The following TAF2 variants were observed in gnomAD, a reference collection of about 807,000 sequenced individuals.
The protein encoded by TAF2 is TATA-box binding protein associated factor 2.
In TAF2, 61 loss-of-function variants were observed where a neutral mutation model predicts 138.5. The observed-to-expected ratio is 0.44, with a 90% CI of 0.36 to 0.54. The LOEUF (loss-of-function observed/expected upper bound fraction) is 0.54, where lower values mean the gene tolerates loss of function less well. Among genes scored for constraint, TAF2 ranks in the 20% least tolerant of loss-of-function variants. The probability of loss-of-function intolerance (pLI) is 0.00; values close to 1 mark genes in which losing one functional copy is unlikely to be tolerated. For missense variants in TAF2, 1,090 were observed against 1,427.9 expected, an observed-to-expected ratio of 0.76 and a Z score of 3.81; for synonymous variants, 475 against 469.9, an observed-to-expected ratio of 1.01 and a Z score of -0.14.
intron 6 of TAF2, among the ~76,000 whole-genome samples, chr8:119,799,909 T>G (rs1824126639): frequency 6.6e-6 from 1 of 152,240 alleles, no homozygotes; most frequent in Non-Finnish European, 1.5e-5. Context: ...CCAGTGATGA[T>G]GAGCATTTTT....
chr8:119,768,512 G>C (rs1488512620), intron 18 of TAF2, among the ~76,000 whole-genome samples: 3 of 152,052 alleles, frequency 2.0e-5, no homozygotes, highest in African/African-American at 4.8e-5. Flanking sequence ...ATTCCACTGT[G>C]GTCTGAGAAG....
chr8:119,793,462 T>G lies in TAF2; in HGVS notation c.1192-11A>C, dbSNP rs763899455. 1 of 1,603,474 alleles carries G rather than the reference T, an allele frequency of 6.2e-7. No homozygotes were observed. Among genetic ancestry groups the G allele is most frequent in the Admixed American group, 1.7e-5 (1 of 59,722 alleles). On this transcript the variant is annotated splice_polypyrimidine_tract_variant and intron_variant, in intron 9 of 25. Coordinates refer to ENST00000378164, the MANE Select transcript of TAF2 (RefSeq NM_003184.4). ...TATTTTGTCTAGCTCCTAAAAAATATATAAAAATAGGAGTCAGTAAAATTT... is the reference window on the plus strand; with the variant it reads ...TATTTTGTCTAGCTCCTAAAAAATAGATAAAAATAGGAGTCAGTAAAATTT...
At chr8:119,802,828 C>T (rs1488475915) in intron 5 of TAF2, among the ~76,000 whole-genome samples, 1 of 152,166 alleles carries the variant, frequency 6.6e-6, no homozygotes, top group Non-Finnish European at 1.5e-5. Context: ...AGGAGGATCA[C>T]TTGAACCTGG....
intron 10 of TAF2, 88 bp downstream of exon 10, chr8:119,793,278 G>A (rs1405206133): frequency 7.1e-6 from 8 of 1,126,792 alleles, no homozygotes; most frequent in Non-Finnish European, 1.1e-5. Context: ...AAATTCTGAG[G>A]TACAATGAAA....
rs897783009 is a variant in TAF2, at chr8:119,832,747, C to G, written c.-183G>C. 14 of 519,714 alleles carry G rather than the reference C, an allele frequency of 2.7e-5. No homozygotes were observed. The highest frequency in any genetic ancestry group is 4.1e-5 in the Non-Finnish European group (12 of 294,696). 32.2% of individuals were successfully genotyped at this position (519,714 alleles called of 1,614,324 possible). A position where few individuals can be genotyped will look rare whatever the true frequency, so the allele number is the denominator to read the frequency against. ...CTCAACCTCGCTCCTTCGACTAGCTCCTAGAAGCCGCCGTCGACAAGCTTC... is the reference window on the plus strand; with the variant it reads ...CTCAACCTCGCTCCTTCGACTAGCTGCTAGAAGCCGCCGTCGACAAGCTTC... On this transcript the variant is annotated 5_prime_UTR_variant, in exon 1 of 26. Coordinates refer to ENST00000378164, the MANE Select transcript of TAF2 (RefSeq NM_003184.4).
At chr8:119,804,391 C>G (rs1194833918) in intron 4 of TAF2, among the ~76,000 whole-genome samples, 2 of 152,194 alleles carry the variant, frequency 1.3e-5, no homozygotes, top group Non-Finnish European at 2.9e-5. Context: ...TATAGTTTGG[C>G]TCTGTGTCCC....
At chr8:119,780,913 C>T (rs549489257) in intron 17 of TAF2, 140 bp downstream of exon 17, 28 of 849,064 alleles carry the variant, frequency 3.3e-5, no homozygotes, top group South Asian at 7.4e-5. Context: ...CCAGCCTGGG[C>T]GACAGAGTGA....
At chr8:119,804,269 TG>T (rs1824464402) in intron 4 of TAF2, among the ~76,000 whole-genome samples, 1 of 152,210 alleles carries the variant, frequency 6.6e-6, no homozygotes, top group Admixed American at 6.5e-5. Flanking sequence ...AATACACCTT[TG>T]GTTACGCCAT....
chr8:119,822,879 T>C (rs1321205150), intron 2 of TAF2, among the ~76,000 whole-genome samples: 1 of 152,204 alleles, frequency 6.6e-6, no homozygotes, highest in East Asian at 1.9e-4. Flanking sequence ...TTAATCTTCT[T>C]GGCACTCCTG....
intron 1 of TAF2, among the ~76,000 whole-genome samples, chr8:119,832,142 G>A (rs1329711201): frequency 2.0e-5 from 3 of 151,662 alleles, no homozygotes; most frequent in Non-Finnish European, 4.4e-5. Context: ...CTGGGCGACT[G>A]AGAGACTCCG....
intron 14 of TAF2, among the ~76,000 whole-genome samples, 165 bp from the exon 15 acceptor site, chr8:119,785,431 T>C (rs977013004): frequency 1.3e-5 from 2 of 152,228 alleles, no homozygotes; most frequent in Non-Finnish European, 2.9e-5. Context: ...AAAGTCTCTT[T>C]ATTTTAAAGC....
At position 119,797,958 on chromosome 8, in the gene TAF2, T is replaced by C. The variant is rs2131193371; in HGVS notation, c.793-112A>G. The C allele has an allele frequency of 3.8e-6, 4 of 1,039,990 alleles. No homozygotes were observed. The Admixed American group carries it at 9.5e-5, about 25-fold the overall frequency. The allele number at this position is 1,039,990 out of a possible 1,614,324, so 64.4% of individuals were successfully genotyped here. ...ATGTTCTCATAAATCTATTCTTTAA[T>C]AATTTCAAGATGCTGAAAGAAAATG... On this transcript the variant is annotated intron_variant, in intron 6 of 25. Coordinates refer to ENST00000378164, the MANE Select transcript of TAF2 (RefSeq NM_003184.4).
chr8:119,817,469 C>A (rs1265664302), intron 3 of TAF2, among the ~76,000 whole-genome samples: 1 of 152,136 alleles, frequency 6.6e-6, no homozygotes, highest in Non-Finnish European at 1.5e-5. Flanking sequence ...CCCCTCTGCC[C>A]CCCTGGTCCG....
rs35033415 is a variant in TAF2 at position 119,778,138 on chromosome 8, G to GA, written c.2254-10dup. The GA allele has an allele frequency of 0.24, 361,059 of 1,518,040 alleles. 46,787 individuals carry two copies. The highest frequency in any genetic ancestry group is 0.47 in the African/African-American group (33,639 of 71,426). 94.0% of individuals were successfully genotyped at this position (1,518,040 alleles called of 1,614,324 possible). On this transcript the variant is annotated splice_polypyrimidine_tract_variant and intron_variant, in intron 17 of 25. Transcript: ENST00000378164. ...ATTGCAACTGGCATAGTCTACAAAAGAAAAAAAAGAACTTTTAAAAGCACA... is the reference window on the plus strand; with the variant it reads ...ATTGCAACTGGCATAGTCTACAAAAGAAAAAAAAAGAACTTTTAAAAGCACA...
chr8:119,780,022 A>T (rs2131129081), intron 17 of TAF2, among the ~76,000 whole-genome samples: 1 of 152,320 alleles, frequency 6.6e-6, no homozygotes, highest in East Asian at 1.9e-4. Context: ...ACCTTGCTTC[A>T]TCCTCAACAT....
intron 17 of TAF2, among the ~76,000 whole-genome samples, chr8:119,779,691 C>T (rs1256297729): frequency 1.3e-5 from 2 of 152,176 alleles, no homozygotes; most frequent in Non-Finnish European, 2.9e-5. Context: ...CAAAAGGCAC[C>T]CCAGTGCTGC....
chr8:119,823,596 C>T (rs942124230), intron 2 of TAF2, among the ~76,000 whole-genome samples: 3 of 152,098 alleles, frequency 2.0e-5, no homozygotes, highest in Non-Finnish European at 2.9e-5. Flanking sequence ...AACCTCTTTC[C>T]TTTGTAAACT....
chr8:119,777,516 T>C (rs1430798539), intron 18 of TAF2, among the ~76,000 whole-genome samples: 1 of 152,200 alleles, frequency 6.6e-6, no homozygotes, highest in Admixed American at 6.5e-5. Context: ...ATTGTTGGAA[T>C]GATAACAAGT....
intron 18 of TAF2, among the ~76,000 whole-genome samples, chr8:119,777,350 C>T (rs1432318462): frequency 1.3e-5 from 2 of 151,966 alleles, no homozygotes; most frequent in African/African-American, 2.4e-5. Context: ...GTCTGATTTC[C>T]CTATCAGGTT....
Sources: gnomAD v4.1 joint callset for allele counts (sites outside exome capture counted in the v4.1 genomes callset) on GRCh38, gnomAD v4.1.1 for gene constraint, MANE v1.5 for transcripts, NCBI Gene and HGNC (gene_info 2026-07-23, HGNC 2026-07-21) for gene names.